The following PPFIA2 variants were observed in gnomAD, a reference collection of about 807,000 sequenced individuals.
PPFIA2 encodes liprin-alpha-2.
In PPFIA2, 46 loss-of-function variants were observed where a neutral mutation model predicts 175.5. The ratio of observed to expected loss-of-function variants is 0.26; its 90% confidence interval spans 0.21 to 0.34. PPFIA2 has a LOEUF of 0.34. Ranked by LOEUF, PPFIA2 falls within the 10% of genes least tolerant of loss-of-function variation. The pLI is 1.00. For missense variants in PPFIA2, 1,179 were observed against 1,506.1 expected, an observed-to-expected ratio of 0.78 and a Z score of 3.60; for synonymous variants, 568 against 511.4, an observed-to-expected ratio of 1.11 and a Z score of -1.49.
intron 4 of PPFIA2, among the ~76,000 whole-genome samples, chr12:81,593,876 C>G (rs2058959219): frequency 6.6e-6 from 1 of 152,074 alleles, no homozygotes; most frequent in African/African-American, 2.4e-5. Flanking sequence ...AGGCAGTGAT[C>G]CCAACTGGTG....
intron 7 of PPFIA2, among the ~76,000 whole-genome samples, chr12:81,416,575 G>A (rs1231823093): frequency 1.3e-5 from 2 of 151,632 alleles, no homozygotes; most frequent in African/African-American, 4.8e-5. Context: ...AGGGAAATAG[G>A]TGTCTCACAG....
chr12:81,645,954 C>A (rs2065999946), intron 4 of PPFIA2, among the ~76,000 whole-genome samples: 2 of 152,108 alleles, frequency 1.3e-5, no homozygotes, highest in Admixed American at 1.3e-4. Context: ...TGTCTAGCAT[C>A]CAACATTTAG....
intron 4 of PPFIA2, among the ~76,000 whole-genome samples, chr12:81,646,376 GA>G (rs2066072928): frequency 6.6e-6 from 1 of 152,132 alleles, no homozygotes; most frequent in South Asian, 2.1e-4. Flanking sequence ...ACCCAGTGCT[GA>G]GGTTTGGTGC....
intron 1 of PPFIA2, 96 bp downstream of exon 1, chr12:81,759,184 G>A (rs891579627): frequency 1.2e-4 from 1 of 8,526 alleles, no homozygotes; most frequent in Non-Finnish European, 2.6e-4. Context: ...CCTCCCCCCC[G>A]CCGCCCCCCC....
intron 4 of PPFIA2, among the ~76,000 whole-genome samples, chr12:81,650,558 A>G (rs541858049): frequency 6.6e-6 from 1 of 152,358 alleles, no homozygotes; most frequent in East Asian, 1.9e-4. Context: ...AATGTTCTGG[A>G]GCAAGGGAAT....
chr12:81,422,154 GTA>G lies in PPFIA2; in HGVS notation c.646-16253_646-16252del, dbSNP rs533555962. The stretch of plus-strand genomic sequence containing the variant: ...TATATATATGTGTATATATATGTGT[GTA>G]TATATATATATATATATGTCATTTT... On this transcript the variant is annotated intron_variant, in intron 7 of 32. Coordinates refer to ENST00000549396, the MANE Select transcript of PPFIA2 (RefSeq NM_003625.5). 2.9e-3 allele frequency among the ~76,000 whole-genome samples: 206 copies of G among 70,570 alleles called. 1 individual carries two copies. Among genetic ancestry groups the G allele is most frequent in the Middle Eastern group, 0.013 (2 of 150 alleles). The allele number at this position is 70,570 out of a possible 152,430, so 46.3% of individuals were successfully genotyped here.
intron 4 of PPFIA2, among the ~76,000 whole-genome samples, chr12:81,584,903 AATATATT>A (rs1300260499): frequency 8.2e-6 from 1 of 121,838 alleles, no homozygotes; most frequent in African/African-American, 3.1e-5. Flanking sequence ...ATTTATATAT[AATATATT>A]ATATATTAAT....
intron 4 of PPFIA2, among the ~76,000 whole-genome samples, chr12:81,664,862 A>G (rs2069797145): frequency 6.6e-6 from 1 of 152,102 alleles, no homozygotes; most frequent in African/African-American, 2.4e-5. Flanking sequence ...CAGCCATAAA[A>G]AAGGATGAGT....
At chr12:81,408,880 C>A (rs1025113184) in intron 7 of PPFIA2, among the ~76,000 whole-genome samples, 1 of 152,122 alleles carries the variant, frequency 6.6e-6, no homozygotes, top group Non-Finnish European at 1.5e-5. Context: ...AACAAATTAT[C>A]CTGGGTAGTT....
chr12:81,709,345 A>G (rs573124152), intron 3 of PPFIA2, among the ~76,000 whole-genome samples: 1 of 152,138 alleles, frequency 6.6e-6, no homozygotes, highest in African/African-American at 2.4e-5. Context: ...TTTTTGTCAG[A>G]TCCATCATCA....
At chr12:81,681,032 T>C (rs2073522191) in intron 3 of PPFIA2, among the ~76,000 whole-genome samples, 1 of 151,950 alleles carries the variant, frequency 6.6e-6, no homozygotes, top group Admixed American at 6.6e-5. Context: ...ATGGTAGCCT[T>C]CTTTATGCTG....
At chr12:81,703,431 A>C (rs1393261951) in intron 3 of PPFIA2, among the ~76,000 whole-genome samples, 1 of 152,048 alleles carries the variant, frequency 6.6e-6, no homozygotes, top group African/African-American at 2.4e-5. Flanking sequence ...TCCCTTAAGT[A>C]GTCCTATCAA....
intron 8 of PPFIA2, among the ~76,000 whole-genome samples, chr12:81,387,250 T>G (rs1453415731): frequency 1.3e-5 from 2 of 152,180 alleles, no homozygotes; most frequent in African/African-American, 4.8e-5. Flanking sequence ...TTATTAGCTT[T>G]TTTACTTTTA....
intron 3 of PPFIA2, among the ~76,000 whole-genome samples, chr12:81,695,413 T>C (rs912531141): frequency 1.3e-5 from 2 of 152,086 alleles, no homozygotes; most frequent in African/African-American, 4.8e-5. Context: ...GGCACCTCCC[T>C]ATCCCCTCTT....
Position 81,325,965 on chromosome 12 carries a change from A to G in PPFIA2, c.2549-95T>C. 3 of 835,200 alleles carry G rather than the reference A, an allele frequency of 3.6e-6. No individual in the cohort carries two copies. In the South Asian group the frequency reaches 4.6e-5, roughly 13 times the overall value. 51.7% of individuals were successfully genotyped at this position (835,200 alleles called of 1,614,324 possible). ...TAAAGGTTTAGTTGAGCAACTGTTT[A>G]GTATCACATTTAAAAATTTTCCTTA... On this transcript the variant is annotated intron_variant, in intron 21 of 32. Transcript: ENST00000549396.
intron 27 of PPFIA2, chr12:81,279,280 A>G (rs2041462410): frequency 2.0e-5 from 3 of 152,146 alleles, no homozygotes; most frequent in Non-Finnish European, 2.9e-5. Flanking sequence ...TGATTCCTTG[A>G]TCTTGAACTT....
chr12:81,304,040 T>C (rs2048527147), intron 22 of PPFIA2, among the ~76,000 whole-genome samples: 1 of 152,162 alleles, frequency 6.6e-6, no homozygotes, highest in Non-Finnish European at 1.5e-5. Context: ...TTGCATGCCA[T>C]CACATGCCTC....
At chr12:81,517,039 GA>G (rs2062536460) in intron 4 of PPFIA2, among the ~76,000 whole-genome samples, 1 of 150,560 alleles carries the variant, frequency 6.6e-6, no homozygotes, top group African/African-American at 2.4e-5. Context: ...GAACCAAAGA[GA>G]AGGCTTCATG....
intron 4 of PPFIA2, among the ~76,000 whole-genome samples, chr12:81,584,161 A>G (rs2074836225): frequency 1.3e-5 from 2 of 151,940 alleles, no homozygotes; most frequent in Admixed American, 1.3e-4. Context: ...TTCCTGAATG[A>G]AAGAACAGTG....
Sources: gnomAD v4.1 joint callset for allele counts (sites outside exome capture counted in the v4.1 genomes callset) on GRCh38, gnomAD v4.1.1 for gene constraint, MANE v1.5 for transcripts, NCBI Gene and HGNC (gene_info 2026-07-23, HGNC 2026-07-21) for gene names.